The following ANKS1B variants were observed in gnomAD, a reference collection of about 807,000 sequenced individuals.
ANKS1B encodes ankyrin repeat and sterile alpha motif domain containing 1B.
ANKS1B carries 36 observed loss-of-function variants against 148.3 expected under a neutral mutation model. That is an observed-to-expected ratio of 0.24 (90% CI 0.19 to 0.32). The LOEUF (loss-of-function observed/expected upper bound fraction) is 0.32, where lower values mean the gene tolerates loss of function less well. Ranked by LOEUF, ANKS1B falls within the 10% of genes least tolerant of loss-of-function variation. ANKS1B has a pLI of 1.00. For synonymous variants in ANKS1B, 542 were observed against 560.8 expected, an observed-to-expected ratio of 0.97 and a Z score of 0.47; for missense variants, 1,157 against 1,542.6, an observed-to-expected ratio of 0.75 and a Z score of 4.19.
rs2087338623 is a variant in ANKS1B at position 99,330,669 on chromosome 12, C to A, written c.1756+68962G>T. ...TTGCACTGATAGCTAGGTTTAAAATCTTCAGAAAATAAATGCATAATTAGA... is the reference window on the plus strand; with the variant it reads ...TTGCACTGATAGCTAGGTTTAAAATATTCAGAAAATAAATGCATAATTAGA... On this transcript the variant is annotated intron_variant, in intron 12 of 26. Coordinates refer to ENST00000683438, the MANE Select transcript of ANKS1B (RefSeq NM_001352186.2). Among the ~76,000 whole-genome samples, 3 of 152,096 alleles carry A rather than the reference C, an allele frequency of 2.0e-5. 1 individual carries two copies. The South Asian group carries it at 6.2e-4, about 32-fold the overall frequency.
At chr12:99,960,868 T>C (rs149323855) in intron 1 of ANKS1B, among the ~76,000 whole-genome samples, 136 of 152,258 alleles carry the variant, frequency 8.9e-4, no homozygotes, top group African/African-American at 3.0e-3. Flanking sequence ...GTTACAGCAT[T>C]GCTATTAACA....
chr12:99,059,731 G>GT (rs778364594), intron 16 of ANKS1B, among the ~76,000 whole-genome samples: 6 of 126,086 alleles, frequency 4.8e-5, no homozygotes, highest in African/African-American at 9.0e-5. Context: ...TTTTAAATTA[G>GT]TAACCTATTT....
intron 16 of ANKS1B, 39 bp downstream of exon 16, chr12:99,084,886 A>G (rs1431727997): frequency 1.3e-6 from 2 of 1,513,956 alleles, no homozygotes; most frequent in Non-Finnish European, 1.8e-6. Flanking sequence ...AATCACTGGG[A>G]ACCGTACACA....
At chr12:98,783,849 T>C (rs1032904465) in intron 22 of ANKS1B, among the ~76,000 whole-genome samples, 8 of 152,130 alleles carry the variant, frequency 5.3e-5, no homozygotes, top group Non-Finnish European at 7.4e-5. Flanking sequence ...AAGATTCTTC[T>C]GGTGGTTGTT....
chr12:99,357,750 A>T (rs1361203378), intron 12 of ANKS1B, among the ~76,000 whole-genome samples: 2 of 152,142 alleles, frequency 1.3e-5, no homozygotes, highest in Non-Finnish European at 2.9e-5. Context: ...TATATAAATC[A>T]CATTACTAGT....
intron 14 of ANKS1B, among the ~76,000 whole-genome samples, chr12:99,172,499 A>C (rs1273123584): frequency 6.6e-6 from 1 of 152,184 alleles, no homozygotes; most frequent in East Asian, 1.9e-4. Flanking sequence ...GGGCCTCCAA[A>C]TATTCTTAGT....
At chr12:99,633,455 C>T (rs1415033560) in intron 9 of ANKS1B, among the ~76,000 whole-genome samples, 6 of 152,096 alleles carry the variant, frequency 3.9e-5, no homozygotes, top group Middle Eastern at 3.2e-3. Flanking sequence ...GAAACTGGAT[C>T]CCTTCCTTAC....
At chr12:99,555,766 G>T (rs1479481100) in intron 9 of ANKS1B, among the ~76,000 whole-genome samples, 1 of 152,178 alleles carries the variant, frequency 6.6e-6, no homozygotes, top group Non-Finnish European at 1.5e-5. Flanking sequence ...AGCCAACCTT[G>T]TATTCCAGGG....
intron 22 of ANKS1B, among the ~76,000 whole-genome samples, chr12:98,795,902 T>C (rs750869981): frequency 1.3e-5 from 2 of 152,212 alleles, no homozygotes; most frequent in Non-Finnish European, 2.9e-5. Flanking sequence ...CAATACCTAC[T>C]GTGTGGACTG....
intron 8 of ANKS1B, among the ~76,000 whole-genome samples, chr12:99,715,695 C>T (rs979951579): frequency 2.0e-5 from 3 of 152,112 alleles, no homozygotes; most frequent in African/African-American, 4.8e-5. Context: ...CCTATGACCT[C>T]GGGTCCTCAG....
intron 19 of ANKS1B, among the ~76,000 whole-genome samples, chr12:98,820,821 G>A (rs2099182378): frequency 6.6e-6 from 1 of 152,164 alleles, no homozygotes; most frequent in Non-Finnish European, 1.5e-5. Flanking sequence ...TGATTTCCAA[G>A]TCAGTGAAGA....
chr12:99,680,393 A>T (rs1465707818), intron 8 of ANKS1B, among the ~76,000 whole-genome samples: 1 of 152,060 alleles, frequency 6.6e-6, no homozygotes, highest in Non-Finnish European at 1.5e-5. Context: ...GTGAGCCACG[A>T]TCACGCCACT....
chr12:99,318,879 T>C (rs558554315), intron 12 of ANKS1B, among the ~76,000 whole-genome samples: 141 of 152,186 alleles, frequency 9.3e-4, no homozygotes, highest in African/African-American at 3.3e-3. Flanking sequence ...TGTCTTTGTT[T>C]TCATTGGTTT....
chr12:99,453,961 G>A (rs1419459939), intron 10 of ANKS1B, among the ~76,000 whole-genome samples: 1 of 152,148 alleles, frequency 6.6e-6, no homozygotes, highest in Non-Finnish European at 1.5e-5. Context: ...GAAAGAGAAA[G>A]TGAAGAAAAA....
intron 9 of ANKS1B, among the ~76,000 whole-genome samples, chr12:99,626,332 G>A (rs1314656815): frequency 6.6e-6 from 1 of 152,038 alleles, no homozygotes; most frequent in Non-Finnish European, 1.5e-5. Flanking sequence ...GTACATCAAA[G>A]GTATTTAACA....
chr12:98,796,483 G>T (rs1460798006), intron 22 of ANKS1B, among the ~76,000 whole-genome samples: 1 of 149,866 alleles, frequency 6.7e-6, no homozygotes. Context: ...GGTTCAAACT[G>T]AAAATTAGCT....
intron 9 of ANKS1B, among the ~76,000 whole-genome samples, chr12:99,622,565 C>T (rs1406545117): frequency 1.3e-5 from 2 of 151,774 alleles, no homozygotes. Flanking sequence ...CAACTGATCC[C>T]ACAGAAATAC....
Position 99,053,317 on chromosome 12 carries a change from A to G in ANKS1B, c.2626-8T>C. ...ATGCCCAATGGGTCTCATCTGTAATAAAGAAAATTACATTAGGATTAAACT... is the reference window on the plus strand; with the variant it reads ...ATGCCCAATGGGTCTCATCTGTAATGAAGAAAATTACATTAGGATTAAACT... On this transcript the variant is annotated splice_polypyrimidine_tract_variant and splice_region_variant and intron_variant, in intron 16 of 26. Coordinates refer to ENST00000683438, the MANE Select transcript of ANKS1B (RefSeq NM_001352186.2). The G allele has an allele frequency of 6.3e-7, 1 of 1,578,780 alleles. No individual in the cohort carries two copies. Among genetic ancestry groups the G allele is most frequent in the Non-Finnish European group, 8.6e-7 (1 of 1,165,566 alleles).
chr12:99,108,738 A>G (rs1164391712), intron 15 of ANKS1B, among the ~76,000 whole-genome samples: 3 of 152,184 alleles, frequency 2.0e-5, no homozygotes, highest in Non-Finnish European at 4.4e-5. Flanking sequence ...AGAACAGAGA[A>G]GAGGATACAG....
Sources: allele counts gnomAD v4.1 joint callset (sites outside exome capture counted in the v4.1 genomes callset), GRCh38; gene constraint gnomAD v4.1.1; transcripts MANE v1.5; gene names NCBI Gene and HGNC (gene_info 2026-07-23, HGNC 2026-07-21).